Variants in OSBPL10 observed in about 807,000 individuals in gnomAD.
OSBPL10 encodes the protein oxysterol-binding protein-related protein 10.
In OSBPL10, 49 loss-of-function variants were observed where a neutral mutation model predicts 81.7. The observed-to-expected ratio is 0.60, with a 90% CI of 0.48 to 0.76. The LOEUF is 0.76. OSBPL10 is among the 30% of genes least tolerant of loss of function. The probability of loss-of-function intolerance (pLI) is 0.00; values close to 1 mark genes in which losing one functional copy is unlikely to be tolerated. For missense variants in OSBPL10, 923 were observed against 987.8 expected, an observed-to-expected ratio of 0.93 and a Z score of 0.88; for synonymous variants, 419 against 383.6, an observed-to-expected ratio of 1.09 and a Z score of -1.08.
intron 6 of OSBPL10, chr3:31,718,879 T>C (rs1375988089): frequency 6.6e-6 from 1 of 152,192 alleles, no homozygotes; most frequent in African/African-American, 2.4e-5. Context: ...CTACATATTT[T>C]CACATCTGTT....
intron 1 of OSBPL10, among the ~76,000 whole-genome samples, chr3:31,931,105 A>G (rs537381290): frequency 3.9e-5 from 6 of 151,992 alleles, no homozygotes; most frequent in Admixed American, 3.9e-4. Context: ...CTGGGAGCAT[A>G]TAGAAGAAAC....
chr3:31,888,930 AAAT>A (rs541130915), intron 1 of OSBPL10, among the ~76,000 whole-genome samples: 9 of 151,966 alleles, frequency 5.9e-5, no homozygotes, highest in South Asian at 2.1e-4. Context: ...TCTCAGGAAA[AAAT>A]AATAATAATA....
At chr3:31,926,288 T>TCTCCCCCC (rs1034706033) in intron 1 of OSBPL10, among the ~76,000 whole-genome samples, 1 of 88,148 alleles carries the variant, frequency 1.1e-5, no homozygotes, top group Non-Finnish European at 2.2e-5. Context: ...TGGGTGATTT[T>TCTCCCCCC]GCCCCCCCAG....
intron 10 of OSBPL10, among the ~76,000 whole-genome samples, chr3:31,665,122 A>T (rs1280054891): frequency 6.6e-6 from 1 of 152,120 alleles, no homozygotes; most frequent in Non-Finnish European, 1.5e-5. Context: ...AGTGTTTAAC[A>T]CTAGTTTGTA....
intron 11 of OSBPL10, chr3:31,663,869 T>G: frequency 6.9e-7 from 1 of 1,444,518 alleles, no homozygotes; most frequent in Non-Finnish European, 9.1e-7. Context: ...GTTGCTCAGT[T>G]CTGCCCTCCA....
At chr3:32,041,647 CTTTTTCTTTCT>C (rs1420942438) in intron 2 of OSBPL10, among the ~76,000 whole-genome samples, 15 of 32,488 alleles carry the variant, frequency 4.6e-4, no homozygotes, top group Admixed American at 2.3e-3. Context: ...CTCTTTCTTT[CTTTTTCTTTCT>C]TTCTTTCTTT....
chr3:31,848,327 T>C (rs1291519679), intron 3 of OSBPL10, among the ~76,000 whole-genome samples: 1 of 151,462 alleles, frequency 6.6e-6, no homozygotes, highest in Non-Finnish European at 1.5e-5. Flanking sequence ...ACATCTCTCT[T>C]TCCCACTACA....
chr3:31,981,778 A>T (rs1698852462), upstream of OSBPL10: 2 of 152,128 alleles, frequency 1.3e-5, no homozygotes, highest in African/African-American at 2.4e-5. The surrounding 1 kb of genome is among the most constrained non-coding windows in gnomAD (Gnocchi z 4.5). Flanking sequence ...TCTTCCGCAC[A>T]CGATGCTGCG....
At chr3:32,061,957 T>A (rs1285412786) in intron 1 of OSBPL10, among the ~76,000 whole-genome samples, 1 of 44,626 alleles carries the variant, frequency 2.2e-5, no homozygotes, top group African/African-American at 3.8e-5. Context: ...ATTTTTCACT[T>A]TTTAATTTTT....
intron 1 of OSBPL10, among the ~76,000 whole-genome samples, chr3:32,075,773 G>T (rs1351546680): frequency 6.6e-6 from 1 of 152,128 alleles, no homozygotes; most frequent in African/African-American, 2.4e-5. Flanking sequence ...AAGAAGACAG[G>T]AATGTCAGGC....
intron 1 of OSBPL10, among the ~76,000 whole-genome samples, 197 bp from the exon 2 acceptor site, chr3:31,880,027 G>A (rs991989763): frequency 3.3e-5 from 5 of 152,186 alleles, no homozygotes; most frequent in African/African-American, 1.2e-4. Flanking sequence ...TCAGAGTGGC[G>A]CTCATAATGG....
chr3:31,838,672 T>C (rs1700422002), intron 3 of OSBPL10, among the ~76,000 whole-genome samples: 1 of 151,996 alleles, frequency 6.6e-6, no homozygotes, highest in African/African-American at 2.4e-5. Context: ...TCCAAAAAAG[T>C]CACCACAACT....
At position 32,066,212 on chromosome 3, in the gene OSBPL10, GGAA is replaced by G. The variant is rs1295383371; in HGVS notation, n.185+11181_185+11183del. Among the ~76,000 whole-genome samples the G allele has an allele frequency of 3.2e-5, 2 of 62,154 alleles. 1 individual carries two copies. Among genetic ancestry groups the G allele is most frequent in the African/African-American group, 7.1e-5 (2 of 28,354 alleles). 40.8% of individuals were successfully genotyped at this position (62,154 alleles called of 152,430 possible). Reference sequence around the variant, plus strand: ...AGGAAGGAAGGAAGGAAGGAAGGAAGGAAGGACATCCCCCACCCTTGCAATCTG... The same window carrying G: ...AGGAAGGAAGGAAGGAAGGAAGGAAGGGACATCCCCCACCCTTGCAATCTG... On this transcript the variant is annotated intron_variant and non_coding_transcript_variant, in intron 1 of 3. Transcript: ENST00000479173.
chr3:31,719,809 T>A (rs1293254538), intron 6 of OSBPL10, among the ~76,000 whole-genome samples: 1 of 151,996 alleles, frequency 6.6e-6, no homozygotes, highest in Non-Finnish European at 1.5e-5. Flanking sequence ...ACAACCTAAA[T>A]GCCACTCCTA....
chr3:31,692,563 C>A (rs998233869), intron 7 of OSBPL10, among the ~76,000 whole-genome samples: 5 of 146,910 alleles, frequency 3.4e-5, no homozygotes, highest in South Asian at 4.2e-4. Context: ...TGTAAACAAT[C>A]AGTCACCTGC....
At chr3:31,811,967 T>C (rs1023747041) in intron 4 of OSBPL10, among the ~76,000 whole-genome samples, 1 of 152,212 alleles carries the variant, frequency 6.6e-6, no homozygotes, top group African/African-American at 2.4e-5. Context: ...AAGTTACATC[T>C]GAACCAATAA....
chr3:32,060,271 C>A (rs778446397), intron 1 of OSBPL10, among the ~76,000 whole-genome samples: 5 of 152,180 alleles, frequency 3.3e-5, no homozygotes, highest in Non-Finnish European at 7.3e-5. Context: ...CCTCTGCAGG[C>A]AAGATCCGGC....
intron 3 of OSBPL10, among the ~76,000 whole-genome samples, chr3:31,857,524 G>A (rs569588140): frequency 7.9e-5 from 12 of 151,882 alleles, no homozygotes; most frequent in Admixed American, 2.0e-4. Context: ...AGTGACCCAC[G>A]AGAACACAGC....
At chr3:31,764,967 T>C (rs775405634) in intron 4 of OSBPL10, among the ~76,000 whole-genome samples, 1 of 152,196 alleles carries the variant, frequency 6.6e-6, no homozygotes, top group Non-Finnish European at 1.5e-5. Context: ...CAAAAGGCCA[T>C]GATCCCCATC....
Sources: allele counts gnomAD v4.1 joint callset (sites outside exome capture counted in the v4.1 genomes callset), GRCh38; gene constraint gnomAD v4.1.1; non-coding constraint Gnocchi (gnomAD v3.1); transcripts MANE v1.5; gene names NCBI Gene and HGNC (gene_info 2026-07-23, HGNC 2026-07-21).